Variants in SNRPD1 observed in about 807,000 individuals in gnomAD.
SNRPD1 encodes small nuclear ribonucleoprotein Sm D1.
Under a neutral mutation model 14.4 loss-of-function variants are expected in SNRPD1, and 1 was observed. The observed-to-expected ratio is 0.07, with a 90% CI of 0.02 to 0.33. SNRPD1 has a LOEUF of 0.33. SNRPD1 is among the 10% of genes least tolerant of loss of function. The probability of loss-of-function intolerance (pLI) is 1.00; values close to 1 mark genes in which losing one functional copy is unlikely to be tolerated. For missense variants in SNRPD1, 52 were observed against 146.4 expected, an observed-to-expected ratio of 0.36 and a Z score of 3.33; for synonymous variants, 42 against 50.3, an observed-to-expected ratio of 0.83 and a Z score of 0.70.
chr18:21,626,083 A>G (rs1472422089), intron 3 of SNRPD1, among the ~76,000 whole-genome samples: 1 of 152,136 alleles, frequency 6.6e-6, no homozygotes, highest in African/African-American at 2.4e-5. Flanking sequence ...ACACATTTAA[A>G]ATAGTACGGT....
intron 1 of SNRPD1, among the ~76,000 whole-genome samples, chr18:21,621,494 G>A (rs1282462207): frequency 2.6e-5 from 4 of 152,192 alleles, no homozygotes; most frequent in East Asian, 3.9e-4. Context: ...GCTGCCTCCC[G>A]GGTTCAAGCG....
intron 1 of SNRPD1, among the ~76,000 whole-genome samples, chr18:21,622,342 A>T (rs529752702): frequency 6.6e-6 from 1 of 152,026 alleles, no homozygotes; most frequent in Non-Finnish European, 1.5e-5. Flanking sequence ...GGGTTTCACC[A>T]TGTTAGCCAG....
At chr18:21,619,186 T>A (rs1323359751) in intron 1 of SNRPD1, among the ~76,000 whole-genome samples, 1 of 152,098 alleles carries the variant, frequency 6.6e-6, no homozygotes, top group Non-Finnish European at 1.5e-5. Context: ...CAATTTTTTT[T>A]CGTTTGTTTT....
chr18:21,620,741 A>T (rs2038991051), intron 1 of SNRPD1, among the ~76,000 whole-genome samples: 1 of 152,210 alleles, frequency 6.6e-6, no homozygotes, highest in South Asian at 2.1e-4. Context: ...GTGTGACTAA[A>T]GAAACCATAA....
Position 21,632,343 on chromosome 18 carries a change from C to T in SNRPD1, c.*3205C>T, listed in dbSNP as rs2146264967. On this transcript the variant is annotated 3_prime_UTR_variant, in exon 4 of 4. Transcript: ENST00000300413. ...GTGTGGTGGCGGGTGCCTGTAATCT[C>T]AGTTACTCAGGAGGCTTAGGCAGGA... is the stretch of plus-strand genomic sequence containing the variant. The T allele has an allele frequency of 6.6e-6, 1 of 151,974 alleles. No individual in the cohort carries two copies. Among genetic ancestry groups the T allele is most frequent in the East Asian group, 1.9e-4 (1 of 5,160 alleles). The allele number at this position is 151,974 out of a possible 1,614,324, so 9.4% of individuals were successfully genotyped here. A position where few individuals can be genotyped will look rare whatever the true frequency, so the allele number is the denominator to read the frequency against.
At position 21,629,216 on chromosome 18, in the gene SNRPD1, A is replaced by G. The variant is rs1171783522; in HGVS notation, c.*78A>G. 1 of 1,071,796 alleles carries G rather than the reference A, an allele frequency of 9.3e-7. No individual in the cohort carries two copies. Among genetic ancestry groups the G allele is most frequent in the East Asian group, 2.4e-5 (1 of 42,336 alleles). 66.4% of individuals were successfully genotyped at this position (1,071,796 alleles called of 1,614,324 possible). On this transcript the variant is annotated 3_prime_UTR_variant, in exon 4 of 4. Transcript: ENST00000300413. ...TTGTGTTTGTTTATGTCAGTTTTTA[A>G]TAAACATAAATGTGGGACAGAGCTG...
In SNRPD1 at chr18:21,630,088, TG is replaced by T. The variant is rs1161148400; in HGVS notation, c.*951del. 6.6e-6 allele frequency: 1 copy of T among 152,198 alleles called. No homozygotes were observed. Among genetic ancestry groups the T allele is most frequent in the Non-Finnish European group, 1.5e-5 (1 of 68,048 alleles). 9.4% of individuals were successfully genotyped at this position (152,198 alleles called of 1,614,324 possible). A position where few individuals can be genotyped will look rare whatever the true frequency, so the allele number is the denominator to read the frequency against. ...CAGTTCTTAATAGGATATAGTTTTATGTTTTCCAAGTTATAACTTGGAGTTA... is the reference window on the plus strand; with the variant it reads ...CAGTTCTTAATAGGATATAGTTTTATTTTTCCAAGTTATAACTTGGAGTTA... On this transcript the variant is annotated 3_prime_UTR_variant, in exon 4 of 4. Transcript: ENST00000300413.
rs1175560218 is a variant in SNRPD1, at chr18:21,630,325, C to T, written c.*1187C>T. The T allele has an allele frequency of 6.6e-6, 1 of 151,910 alleles. No individual in the cohort carries two copies. The allele number at this position is 151,910 out of a possible 1,614,324, so 9.4% of individuals were successfully genotyped here. ...TCAGAAAAAATGTCTCTCAGTGCAT[C>T]AGTTCTTTGTAAAGCTTACTACGAA... On this transcript the variant is annotated 3_prime_UTR_variant, in exon 4 of 4. Coordinates refer to ENST00000300413, the MANE Select transcript of SNRPD1 (RefSeq NM_006938.4).
intron 1 of SNRPD1, among the ~76,000 whole-genome samples, chr18:21,616,175 C>T (rs966219117): frequency 4.6e-5 from 7 of 151,252 alleles, no homozygotes; most frequent in African/African-American, 1.2e-4. Flanking sequence ...TTAGTAGAGA[C>T]GGGATTTCAC....
Position 21,622,755 on chromosome 18 carries a change from A to G in SNRPD1, c.45A>G (p.Val15=). ...RFLMKLSHET[V]TIELKNGTQV... ...TGATGAAATTGAGTCATGAAACTGT[A>G]ACCATTGAATTGAAGAACGGAACAC... Residue 15 remains valine (V), a synonymous_variant, in exon 2 of 4, where the codon GTA becomes GTG. Coordinates refer to ENST00000300413, the MANE Select transcript of SNRPD1 (RefSeq NM_006938.4). The G allele has an allele frequency of 6.3e-7, 1 of 1,579,164 alleles. No homozygotes were observed. Among genetic ancestry groups the G allele is most frequent in the Non-Finnish European group, 8.7e-7 (1 of 1,148,314 alleles).
chr18:21,612,570 CT>C (rs1476045809), intron 1 of SNRPD1, 127 bp downstream of exon 1: 2 of 639,244 alleles, frequency 3.1e-6, no homozygotes, highest in Non-Finnish European at 5.1e-6. Flanking sequence ...AACGGCCGGC[CT>C]TACTGCGCCC....
intron 1 of SNRPD1, among the ~76,000 whole-genome samples, chr18:21,617,595 T>C (rs963191819): frequency 1.3e-5 from 2 of 152,204 alleles, no homozygotes; most frequent in African/African-American, 4.8e-5. Context: ...CTCCACTTCA[T>C]TGATGAAAAT....
chr18:21,624,020 C>G, intron 3 of SNRPD1, 81 bp downstream of exon 3: 1 of 804,520 alleles, frequency 1.2e-6, no homozygotes, highest in South Asian at 1.8e-5. Flanking sequence ...TATTTGCAAA[C>G]AACACAAGTG....
intron 1 of SNRPD1, among the ~76,000 whole-genome samples, chr18:21,615,505 C>A (rs749263132): frequency 1.3e-5 from 2 of 152,000 alleles, no homozygotes; most frequent in Non-Finnish European, 1.5e-5. Flanking sequence ...GTAATCCCAG[C>A]TACAAGGGAG....
chr18:21,624,131 A>C (rs2039017518), intron 3 of SNRPD1, among the ~76,000 whole-genome samples, 192 bp downstream of exon 3: 1 of 152,230 alleles, frequency 6.6e-6, no homozygotes, highest in African/African-American at 2.4e-5. Flanking sequence ...CTATAATCCC[A>C]GCACTTTGGG....
rs577430981 is a variant in SNRPD1, at chr18:21,626,475, A to G, written c.283+2536A>G. Among the ~76,000 whole-genome samples the G allele has an allele frequency of 1.9e-4, 28 of 150,964 alleles. 1 individual carries two copies. The South Asian group carries it at 5.7e-3, about 31-fold the overall frequency. ...CTTCGTTTCAAGTTTGTCATAGTCT[A>G]GTGTTAGGGAGTTATTTAAAAATTA... is the stretch of plus-strand genomic sequence containing the variant. On this transcript the variant is annotated intron_variant, in intron 3 of 3. Transcript: ENST00000300413.
intron 1 of SNRPD1, among the ~76,000 whole-genome samples, chr18:21,617,096 C>T (rs1438177223): frequency 1.3e-5 from 2 of 151,810 alleles, no homozygotes; most frequent in Non-Finnish European, 2.9e-5. Context: ...TCCAGTTATT[C>T]CAGCATCATT....
chr18:21,622,176 GT>G (rs1392808120), intron 1 of SNRPD1, among the ~76,000 whole-genome samples: 12 of 149,634 alleles, frequency 8.0e-5, no homozygotes, highest in African/African-American at 3.0e-4. Context: ...GTCTCGCTCT[GT>G]TGCCCAGGCT....
At position 21,612,458 on chromosome 18, in the gene SNRPD1, A is replaced by G. The variant is rs771580327; in HGVS notation, c.14+15A>G. 1 of 1,538,694 alleles carries G rather than the reference A, an allele frequency of 6.5e-7. No individual in the cohort carries two copies. The highest frequency in any genetic ancestry group is 1.2e-5 in the South Asian group (1 of 83,414). On this transcript the variant is annotated intron_variant, in intron 1 of 3. Transcript: ENST00000300413. ...AAGCTCGTGAGGTGAGGGAGTGACC[A>G]AGCAGCTCTGGGGGCTGTGAAGGGA...
Sources: allele counts gnomAD v4.1 joint callset (sites outside exome capture counted in the v4.1 genomes callset), GRCh38; gene constraint gnomAD v4.1.1; transcripts MANE v1.5; gene names NCBI Gene and HGNC (gene_info 2026-07-23, HGNC 2026-07-21).